The following PHF2 variants were observed in gnomAD, a reference collection of about 807,000 sequenced individuals.
PHF2 encodes the protein lysine-specific demethylase PHF2.
Under a neutral mutation model 120.5 loss-of-function variants are expected in PHF2, and 27 were observed. That is an observed-to-expected ratio of 0.22 (90% confidence interval 0.17 to 0.31). The LOEUF is 0.31. PHF2 is among the 10% of genes least tolerant of loss of function. The pLI is 1.00. For synonymous variants in PHF2, 568 were observed against 592.5 expected (o/e 0.96, Z 0.60); for missense variants, 1,024 against 1,434.8 (o/e 0.71, Z 4.63).
rs980207108 is a variant in PHF2, at chr9:93,608,223, T to C, written c.99-21747T>C. ...CTGTAATCCTAGCTACTCGGGAGGC[T>C]AAGGTGAGAGGATTGCTTGAGCCTA... On this transcript the variant is annotated intron_variant, in intron 1 of 21. Coordinates refer to ENST00000359246, the MANE Select transcript of PHF2 (RefSeq NM_005392.4). Among the ~76,000 whole-genome samples the C allele has an allele frequency of 1.1e-4, 17 of 151,992 alleles. 1 individual carries two copies. Among genetic ancestry groups the C allele is most frequent in the African/African-American group, 4.1e-4 (17 of 41,356 alleles).
intron 1 of PHF2, among the ~76,000 whole-genome samples, chr9:93,624,667 T>C (rs1825879664): frequency 8.6e-6 from 1 of 115,676 alleles, no homozygotes; most frequent in Non-Finnish European, 1.8e-5. Context: ...GTGTTGGTGG[T>C]GATGGTGATG....
Position 93,576,696 on chromosome 9 carries a change from G to C in PHF2, c.-78G>C, listed in dbSNP as rs1564368707. The C allele has an allele frequency of 2.4e-6, 1 of 425,466 alleles. No homozygotes were observed. Among genetic ancestry groups the C allele is most frequent in the Non-Finnish European group, 3.1e-6 (1 of 323,490 alleles). 26.4% of individuals were successfully genotyped at this position (425,466 alleles called of 1,614,324 possible). The stretch of plus-strand genomic sequence containing the variant: ...GCCCCGCCGCCCCCGCCGCCCCCGC[G>C]CGGCCCGGCCCCCGGCCCGGCCCGG... On this transcript the variant is annotated 5_prime_UTR_variant, in exon 1 of 22. Coordinates refer to ENST00000359246, the MANE Select transcript of PHF2 (RefSeq NM_005392.4).
chr9:93,662,970 A>T lies in PHF2; in HGVS notation c.1762A>T (p.Arg588Trp). ...GGTTCACATGCAGAATGATGTGGAG[A>T]GGCTGGAAATTCGAGAGCAAACCAA... is the stretch of plus-strand genomic sequence containing the variant. ...DVVHMQNDVE[R>W]LEIREQTKSK... Residue 588 changes from arginine to tryptophan, a missense_variant, in exon 13 of 22, where the codon AGG becomes TGG. Coordinates refer to ENST00000359246, the MANE Select transcript of PHF2 (RefSeq NM_005392.4). 1 of 1,614,034 alleles carries T rather than the reference A, an allele frequency of 6.2e-7. No individual in the cohort carries two copies. Among genetic ancestry groups the T allele is most frequent in the South Asian group, 1.1e-5 (1 of 91,070 alleles).
intron 1 of PHF2, among the ~76,000 whole-genome samples, chr9:93,601,347 A>G (rs1293675390): frequency 1.3e-5 from 2 of 152,184 alleles, no homozygotes; most frequent in Non-Finnish European, 2.9e-5. Flanking sequence ...TAACTTTATA[A>G]AATAGTTAAG....
intron 5 of PHF2, among the ~76,000 whole-genome samples, chr9:93,650,717 C>T (rs1477098305): frequency 1.3e-5 from 2 of 152,190 alleles, no homozygotes; most frequent in Non-Finnish European, 2.9e-5. Context: ...AGTGCCTGCC[C>T]TGGATCCACC....
chr9:93,576,778 C>T lies in PHF2; in HGVS notation c.5C>T (p.Ala2Val). M[A>V]TVPVYCVCRL... Reference sequence around the variant, plus strand: ...GCGGCGGCGCGGCGCGGCAACATGGCGACGGTGCCCGTGTACTGCGTCTGC... The same window carrying T: ...GCGGCGGCGCGGCGCGGCAACATGGTGACGGTGCCCGTGTACTGCGTCTGC... The change falls in exon 1 of 22, where the codon GCG (alanine) becomes GTG (valine). Residue 2 changes from alanine (A) to valine (V), a missense_variant. Ala to Val is a moderately conservative substitution (Grantham distance 64, BLOSUM62 0). Coordinates refer to ENST00000359246, the MANE Select transcript of PHF2 (RefSeq NM_005392.4). The T allele has an allele frequency of 8.0e-7, 1 of 1,254,604 alleles. No individual in the cohort carries two copies. The allele number at this position is 1,254,604 out of a possible 1,614,324, so 77.7% of individuals were successfully genotyped here. A position where few individuals can be genotyped will look rare whatever the true frequency, so the allele number is the denominator to read the frequency against.
In PHF2 at chr9:93,656,712, G is replaced by A; in HGVS notation, c.1147+117G>A. On this transcript the variant is annotated intron_variant, in intron 9 of 21. Transcript: ENST00000359246. The surrounding 1 kb of genome is among the most constrained non-coding windows in gnomAD (Gnocchi z 4.1). ...TGCCGCCTTCCTGTGGCCTGAGCAA[G>A]TCCTCTTGGGACTCAGACCCCTGGG... is the stretch of plus-strand genomic sequence containing the variant. The A allele has an allele frequency of 1.4e-6, 1 of 696,998 alleles. No homozygotes were observed. The highest frequency in any genetic ancestry group is 1.7e-5 in the South Asian group (1 of 59,936). The allele number at this position is 696,998 out of a possible 1,614,324, so 43.2% of individuals were successfully genotyped here.
At chr9:93,633,655 C>T (rs965430328) in intron 2 of PHF2, among the ~76,000 whole-genome samples, 6 of 152,330 alleles carry the variant, frequency 3.9e-5, no homozygotes, top group Non-Finnish European at 7.3e-5. Flanking sequence ...CACGGCCCCA[C>T]GTCTCTGGCC....
chr9:93,660,530 G>T lies in PHF2; in HGVS notation c.1668G>T (p.Leu556=). 1 of 1,584,452 alleles carries T rather than the reference G, an allele frequency of 6.3e-7. No homozygotes were observed. The highest frequency in any genetic ancestry group is 8.6e-7 in the Non-Finnish European group (1 of 1,168,326). The change falls in exon 12 of 22, where the codon CTG becomes CTT. Residue 556 remains leucine, a synonymous_variant. Coordinates refer to ENST00000359246, the MANE Select transcript of PHF2 (RefSeq NM_005392.4). ...DLLEAHTKEA[L]TKMEPPKKGK... ...TCGAAGCCCACACCAAGGAGGCACTGACCAAGATGGAGCCGCCCAAGAAGG... is the reference window on the plus strand; with the variant it reads ...TCGAAGCCCACACCAAGGAGGCACTTACCAAGATGGAGCCGCCCAAGAAGG...
intron 1 of PHF2, among the ~76,000 whole-genome samples, chr9:93,587,247 G>A (rs1161818025): frequency 1.4e-5 from 2 of 145,984 alleles, no homozygotes; most frequent in Non-Finnish European, 3.1e-5. Flanking sequence ...CTGGGTGAGG[G>A]ATGATGGAAG....
intron 3 of PHF2, among the ~76,000 whole-genome samples, chr9:93,643,089 T>C (rs144931674): frequency 1.7e-3 from 266 of 152,328 alleles, no homozygotes; most frequent in African/African-American, 6.1e-3. Flanking sequence ...GGTGTGTCTA[T>C]TGACTGACCC....
In PHF2 at chr9:93,602,204, G is replaced by T. The variant is rs58301035; in HGVS notation, c.98+25333G>T. ...TCTTCGTTGAGTATGTAAATTGTTC[G>T]TTGAGTTTTGCATTTTAAAGTCATT... On this transcript the variant is annotated intron_variant, in intron 1 of 21. Transcript: ENST00000359246. Among the ~76,000 whole-genome samples the T allele has an allele frequency of 1.2e-4, 17 of 144,640 alleles. No individual in the cohort carries two copies. The South Asian group carries it at 2.4e-3, about 20-fold the overall frequency. 94.9% of individuals were successfully genotyped at this position (144,640 alleles called of 152,430 possible).
At chr9:93,606,860 G>GT (rs141469641) in intron 1 of PHF2, among the ~76,000 whole-genome samples, 2,907 of 152,234 alleles carry the variant, frequency 0.019, 93 homozygotes, top group African/African-American at 0.065. Flanking sequence ...ATTTAAAGTT[G>GT]TTTTTTGTGA....
chr9:93,662,837 A>G, intron 12 of PHF2, 70 bp from the exon 13 acceptor site: 1 of 1,578,770 alleles, frequency 6.3e-7, no homozygotes, highest in Non-Finnish European at 8.7e-7. Flanking sequence ...AAGACAGGGA[A>G]TCTGTGGCTC....
At chr9:93,645,013 C>T (rs1002070526) in intron 3 of PHF2, among the ~76,000 whole-genome samples, 32 of 152,180 alleles carry the variant, frequency 2.1e-4, no homozygotes, top group East Asian at 1.9e-4. Flanking sequence ...CCAGGGGCCT[C>T]CTCCTGGCCC....
At chr9:93,655,033 T>TCTGTG (rs1157493697) in intron 7 of PHF2, among the ~76,000 whole-genome samples, 1 of 152,140 alleles carries the variant, frequency 6.6e-6, no homozygotes, top group Admixed American at 6.5e-5. Flanking sequence ...ACATTTTGAG[T>TCTGTG]CTGTGCTGAA....
At chr9:93,673,187 C>A (rs756349142) in intron 17 of PHF2, among the ~76,000 whole-genome samples, 1 of 151,864 alleles carries the variant, frequency 6.6e-6, no homozygotes, top group South Asian at 2.1e-4. Flanking sequence ...CAGGGTGGAC[C>A]GAGGGGGTAC....
intron 17 of PHF2, among the ~76,000 whole-genome samples, chr9:93,673,367 C>T (rs1826845212): frequency 6.6e-6 from 1 of 152,070 alleles, no homozygotes; most frequent in Admixed American, 6.5e-5. Flanking sequence ...CTCCCTGTGG[C>T]ATATGGGTGG....
intron 1 of PHF2, among the ~76,000 whole-genome samples, chr9:93,608,478 C>CA (rs1445043585): frequency 2.0e-5 from 3 of 150,330 alleles, no homozygotes; most frequent in Non-Finnish European, 4.4e-5. Context: ...AGGAAGTATT[C>CA]CCTCTGCTTC....
Sources: gnomAD v4.1 joint callset for allele counts (sites outside exome capture counted in the v4.1 genomes callset) on GRCh38, gnomAD v4.1.1 for gene constraint, Gnocchi (gnomAD v3.1) non-coding constraint, MANE v1.5 for transcripts, NCBI Gene and HGNC (gene_info 2026-07-23, HGNC 2026-07-21) for gene names.